CSMD1: variants seen among roughly 807,000 people sequenced by gnomAD.
CSMD1 encodes the protein CUB and sushi domain-containing protein 1.
Under a neutral mutation model 417.5 loss-of-function variants are expected in CSMD1, and 213 were observed. The observed-to-expected ratio is 0.51, with a 90% CI of 0.46 to 0.57. The LOEUF (loss-of-function observed/expected upper bound fraction) is 0.57. Among genes scored for constraint, CSMD1 ranks in the 20% least tolerant of loss-of-function variants. CSMD1 has a pLI of 0.00. For synonymous variants in CSMD1, 2,862 were observed against 1,736.8 expected, an observed-to-expected ratio of 1.65 and a Z score of -16.11; for missense variants, 6,923 against 4,529.7, an observed-to-expected ratio of 1.53 and a Z score of -15.17.
intron 1 of CSMD1, among the ~76,000 whole-genome samples, chr8:4,702,523 C>A (rs1463096492): frequency 6.6e-6 from 1 of 151,984 alleles, no homozygotes; most frequent in Admixed American, 6.6e-5. Context: ...AAATATTTAC[C>A]AGCTTAAAAA....
chr8:3,877,194 A>G (rs1271577135), intron 5 of CSMD1, among the ~76,000 whole-genome samples: 1 of 152,148 alleles, frequency 6.6e-6, no homozygotes, highest in Admixed American at 6.6e-5. Flanking sequence ...TGGAAGAAGG[A>G]AGTGGACACT....
intron 2 of CSMD1, among the ~76,000 whole-genome samples, chr8:4,455,790 A>G (rs1420791225): frequency 2.0e-5 from 3 of 151,132 alleles, no homozygotes; most frequent in Non-Finnish European, 4.4e-5. Context: ...AATTCGCTGG[A>G]TGTGGTGGCA....
intron 37 of CSMD1, among the ~76,000 whole-genome samples, chr8:3,169,098 T>A (rs1431132930): frequency 2.0e-5 from 3 of 152,178 alleles, no homozygotes; most frequent in Non-Finnish European, 4.4e-5. Flanking sequence ...AGTATCCTCA[T>A]TCATGGGCAG....
At chr8:3,398,383 C>T (rs570667806) in intron 16 of CSMD1, among the ~76,000 whole-genome samples, 2 of 151,896 alleles carry the variant, frequency 1.3e-5, no homozygotes, top group Admixed American at 6.6e-5. Flanking sequence ...AGAGATTGTG[C>T]TATTGGGGAT....
At chr8:3,380,401 A>G (rs1280870264) in intron 18 of CSMD1, among the ~76,000 whole-genome samples, 1 of 152,234 alleles carries the variant, frequency 6.6e-6, no homozygotes, top group Non-Finnish European at 1.5e-5. Context: ...ATGTACCCAA[A>G]GGATTATAAA....
chr8:4,947,096 A>C (rs1321073411), intron 1 of CSMD1, among the ~76,000 whole-genome samples: 1 of 152,224 alleles, frequency 6.6e-6, no homozygotes, highest in African/African-American at 2.4e-5. Context: ...TTGTAGTTAC[A>C]TAGTCATCTA....
chr8:3,185,170 A>C (rs1274049871), intron 36 of CSMD1, among the ~76,000 whole-genome samples: 1 of 152,220 alleles, frequency 6.6e-6, no homozygotes, highest in Non-Finnish European at 1.5e-5. Flanking sequence ...GTCAGAGGGG[A>C]GTCCTGTGGA....
At chr8:3,303,468 C>T (rs1283075403) in intron 25 of CSMD1, among the ~76,000 whole-genome samples, 2 of 152,124 alleles carry the variant, frequency 1.3e-5, no homozygotes, top group African/African-American at 4.8e-5. Flanking sequence ...TTTTGACAAC[C>T]TTGATACCTT....
At chr8:4,285,536 G>T (rs899564232) in intron 3 of CSMD1, among the ~76,000 whole-genome samples, 24 of 152,272 alleles carry the variant, frequency 1.6e-4, no homozygotes, top group African/African-American at 5.5e-4. Context: ...CGGATATCAG[G>T]GCTTTCTCTC....
chr8:4,016,263 C>G (rs372197757), intron 4 of CSMD1, among the ~76,000 whole-genome samples: 1 of 152,094 alleles, frequency 6.6e-6, no homozygotes, highest in African/African-American at 2.4e-5. Flanking sequence ...TTGAGTAATT[C>G]ATAGGTACCT....
At chr8:3,585,258 C>T (rs1476731456) in intron 9 of CSMD1, among the ~76,000 whole-genome samples, 1 of 152,124 alleles carries the variant, frequency 6.6e-6, no homozygotes, top group Admixed American at 6.5e-5. Context: ...GCTTGTTGTA[C>T]CTTTTTTAAT....
At chr8:4,737,406 G>A (rs761555704) in intron 1 of CSMD1, among the ~76,000 whole-genome samples, 1 of 152,056 alleles carries the variant, frequency 6.6e-6, no homozygotes, top group Admixed American at 6.6e-5. Flanking sequence ...TTTAATATCT[G>A]GGTGATGAGA....
chr8:3,452,142 C>G (rs936263786), intron 12 of CSMD1, among the ~76,000 whole-genome samples: 2 of 152,186 alleles, frequency 1.3e-5, no homozygotes, highest in Admixed American at 6.5e-5. Context: ...TATAAGAATG[C>G]TTGTGATTTT....
chr8:4,847,314 G>C (rs996812654), intron 1 of CSMD1, among the ~76,000 whole-genome samples: 1 of 152,132 alleles, frequency 6.6e-6, no homozygotes, highest in Non-Finnish European at 1.5e-5. Context: ...AATAATTTCA[G>C]ACAACAGATC....
intron 3 of CSMD1, among the ~76,000 whole-genome samples, chr8:4,121,639 T>C (rs1036274438): frequency 6.8e-6 from 1 of 147,166 alleles, no homozygotes; most frequent in African/African-American, 2.5e-5. Flanking sequence ...AAAAAAGAAG[T>C]GGGAATTCTT....
In CSMD1 at chr8:4,033,156, C is replaced by T. The variant is rs902181916; in HGVS notation, c.416-1057G>A. 7.6e-3 allele frequency among the ~76,000 whole-genome samples: 553 copies of T among 73,122 alleles called. 4 individuals are homozygous for T. The highest frequency in any genetic ancestry group is 0.027 in the African/African-American group (522 of 19,250). 48.0% of individuals were successfully genotyped at this position (73,122 alleles called of 152,430 possible). A position where few individuals can be genotyped will look rare whatever the true frequency, so the allele number is the denominator to read the frequency against. Reference sequence around the variant, plus strand: ...AAAAAAAAAAAAAAAAAAAAAAAAACCTGGCCAGGCACGGTAGCTCACGCC... The same window carrying T: ...AAAAAAAAAAAAAAAAAAAAAAAAATCTGGCCAGGCACGGTAGCTCACGCC... On this transcript the variant is annotated intron_variant, in intron 3 of 69. Transcript: ENST00000635120.
At chr8:4,031,871 G>T in intron 4 of CSMD1, 34 bp downstream of exon 4, 1 of 1,543,704 alleles carries the variant, frequency 6.5e-7, no homozygotes, top group South Asian at 1.2e-5. Flanking sequence ...CCCTGCCCTG[G>T]AGTCTGCTCA....
chr8:3,939,561 G>T (rs1053734144), intron 5 of CSMD1, among the ~76,000 whole-genome samples: 3 of 152,050 alleles, frequency 2.0e-5, no homozygotes, highest in African/African-American at 7.2e-5. Flanking sequence ...AAAGGCACAT[G>T]CACAAGCATG....
chr8:3,993,197 C>T (rs1346086803), intron 5 of CSMD1, among the ~76,000 whole-genome samples: 1 of 152,158 alleles, frequency 6.6e-6, no homozygotes, highest in Admixed American at 6.5e-5. Context: ...GGATATACAG[C>T]AACTCTCTGT....
Sources: allele counts gnomAD v4.1 joint callset (sites outside exome capture counted in the v4.1 genomes callset), GRCh38; gene constraint gnomAD v4.1.1; transcripts MANE v1.5; gene names NCBI Gene and HGNC (gene_info 2026-07-23, HGNC 2026-07-21).